The following FAHD2B variants were observed in gnomAD, a reference collection of about 807,000 sequenced individuals.
FAHD2B encodes the protein fumarylacetoacetate hydrolase domain containing 2B, also known as oxaloacetate tautomerase FAHD2B, mitochondrial.
Under a neutral mutation model 33.7 loss-of-function variants are expected in FAHD2B, and 26 were observed. That is an observed-to-expected ratio of 0.77 (90% CI 0.57 to 1.07). FAHD2B has a LOEUF of 1.07. Ranked by LOEUF, FAHD2B falls within the 50% of genes least tolerant of loss-of-function variation. FAHD2B has a pLI of 0.00. For missense variants in FAHD2B, 272 were observed against 388.1 expected (o/e 0.70, Z 2.51); for synonymous variants, 108 against 150.9 (o/e 0.72, Z 2.08).
At chr2:97,090,372 G>A in intron 3 of FAHD2B, 47 bp from the exon 4 acceptor site, 1 of 1,472,408 alleles carries the variant, frequency 6.8e-7, no homozygotes, top group South Asian at 1.4e-5. Context: ...GAACAGGTGG[G>A]CAATCCCGGG....
intron 1 of FAHD2B, among the ~76,000 whole-genome samples, chr2:97,094,425 G>GCT (rs1191360118): frequency 9.4e-5 from 12 of 128,284 alleles, no homozygotes; most frequent in African/African-American, 3.6e-4. Context: ...ATCCAACTCT[G>GCT]CAAGAGTCCA....
chr2:97,090,272 G>C lies in FAHD2B; in HGVS notation c.299C>G (p.Ala100Gly), dbSNP rs2032257030. The C allele has an allele frequency of 7.4e-6, 12 of 1,613,372 alleles. No individual in the cohort carries two copies. The East Asian group carries it at 2.7e-4, about 36-fold the overall frequency. ...VLPWSEVTFL[A>G]PVTWPDKVVC... The stretch of plus-strand genomic sequence containing the variant: ...CACCTTATCTGGCCATGTGACTGGA[G>C]CCAGGAAGGTTACCTCCGACCATGG... Residue 100 changes from alanine to glycine, a missense_variant, in exon 4 of 9, where the codon GCT (alanine) becomes GGT (glycine). Transcript: ENST00000414820.
chr2:97,082,011 AG>A, downstream of FAHD2B: 1 of 1,551,236 alleles, frequency 6.4e-7, no homozygotes. Context: ...CCTGTGACAC[AG>A]GGCAACGGCG....
At chr2:97,082,179 C>A, downstream of FAHD2B, 1 of 1,529,216 alleles carries the variant, frequency 6.5e-7, no homozygotes, top group Non-Finnish European at 8.8e-7. Context: ...GCACTCACCC[C>A]GGCCTGTCCC....
intron 3 of FAHD2B, 139 bp downstream of exon 3, chr2:97,091,323 A>G: frequency 3.8e-6 from 4 of 1,065,988 alleles, no homozygotes; most frequent in Non-Finnish European, 5.3e-6. Context: ...AGGATCTTTT[A>G]AGAGAACGGG....
downstream of FAHD2B, among the ~76,000 whole-genome samples, chr2:97,081,778 T>G (rs2031653272): frequency 6.7e-6 from 1 of 148,616 alleles, no homozygotes; most frequent in Non-Finnish European, 1.5e-5. Flanking sequence ...GCACACCTCC[T>G]GCTCCCCACA....
At position 97,084,250 on chromosome 2, in the gene FAHD2B, C is replaced by G; in HGVS notation, c.713G>C (p.Arg238Pro). Residue 238 changes from arginine to proline, a missense_variant, in exon 7 of 9, where the codon CGA (arginine) becomes CCA (proline). Transcript: ENST00000414820. ...ADPHNLKICC[R>P]VNGEVVQSSN... is the part of the protein sequence containing the mutation. Reference sequence around the variant, plus strand: ...GCTCTGGACGACTTCCCCATTCACTCGGCAGCAGATCTTTAAGTTGTGTGG... The same window carrying G: ...GCTCTGGACGACTTCCCCATTCACTGGGCAGCAGATCTTTAAGTTGTGTGG... 1 of 1,613,724 alleles carries G rather than the reference C, an allele frequency of 6.2e-7. No homozygotes were observed. Among genetic ancestry groups the G allele is most frequent in the Non-Finnish European group, 8.5e-7 (1 of 1,179,850 alleles).
intron 2 of FAHD2B, 53 bp from the exon 3 acceptor site, chr2:97,091,765 A>C: frequency 6.4e-7 from 1 of 1,568,346 alleles, no homozygotes; most frequent in Non-Finnish European, 8.7e-7. Flanking sequence ...AGCCATCATC[A>C]GCATCCCTGA....
At position 97,083,836 on chromosome 2, in the gene FAHD2B, T is replaced by A; in HGVS notation, c.883-19A>T. 6.2e-7 allele frequency: 1 copy of A among 1,614,086 alleles called. No individual in the cohort carries two copies. Among genetic ancestry groups the A allele is most frequent in the Non-Finnish European group, 8.5e-7 (1 of 1,180,032 alleles). On this transcript the variant is annotated intron_variant, in intron 8 of 8. Transcript: ENST00000414820. ...CCCCCTTCTGCAACAGAGCAGGCCA[T>A]GACGGTGTCAGCCCTTCCGTCAGAC...
At chr2:97,085,396 A>C (rs543396492) in intron 6 of FAHD2B, among the ~76,000 whole-genome samples, 2 of 150,630 alleles carry the variant, frequency 1.3e-5, no homozygotes, top group Non-Finnish European at 3.0e-5. Flanking sequence ...TGCTCAACTT[A>C]GATTATTTCA....
chr2:97,093,867 A>C (rs1450859734), intron 1 of FAHD2B, among the ~76,000 whole-genome samples: 1 of 152,264 alleles, frequency 6.6e-6, no homozygotes, highest in Middle Eastern at 3.4e-3. Flanking sequence ...GGATTTGCCC[A>C]AGGTTACACA....
downstream of FAHD2B, among the ~76,000 whole-genome samples, chr2:97,080,250 T>C (rs1378735174): frequency 4.6e-5 from 7 of 152,274 alleles, no homozygotes; most frequent in Non-Finnish European, 8.8e-5. Flanking sequence ...CTTTAATTCA[T>C]CTTCAGCTGA....
chr2:97,081,416 C>T (rs2031640049), downstream of FAHD2B: 2 of 1,551,846 alleles, frequency 1.3e-6, no homozygotes, highest in Non-Finnish European at 1.7e-6. Flanking sequence ...CCTGAGGCCA[C>T]ATGGGTGCCT....
chr2:97,083,908 C>T lies in FAHD2B; in HGVS notation c.882+40G>A, dbSNP rs762944762. 1.2e-5 allele frequency: 19 copies of T among 1,613,824 alleles called. No homozygotes were observed. The East Asian group carries it at 2.9e-4, about 25-fold the overall frequency. ...TCAAGTCTGAGCCAAGCCTGCCAGG[C>T]CTTTGGGGCCCTTGCTCTCTTTGCT... On this transcript the variant is annotated intron_variant, in intron 8 of 8. Coordinates refer to ENST00000414820, the MANE Select transcript of FAHD2B (RefSeq NM_001320848.2).
intron 7 of FAHD2B, 55 bp from the exon 8 acceptor site, chr2:97,084,090 C>T: frequency 6.2e-7 from 1 of 1,613,230 alleles, no homozygotes; most frequent in South Asian, 1.1e-5. Context: ...GTGGCCACAG[C>T]CAAAGGTGGA....
intron 4 of FAHD2B, chr2:97,086,925 T>C (rs2032025006): frequency 3.9e-5 from 6 of 152,068 alleles, no homozygotes; most frequent in Admixed American, 3.9e-4. Flanking sequence ...TGGAACAAAC[T>C]TGAAGGTCCC....
downstream of FAHD2B, chr2:97,082,278 C>A (rs1393537696): frequency 6.4e-7 from 1 of 1,574,714 alleles, no homozygotes; most frequent in Non-Finnish European, 8.6e-7. Context: ...TTTGCACAGG[C>A]TGCCGCCTTC....
At chr2:97,094,087 G>T (rs1028698103) in intron 1 of FAHD2B, among the ~76,000 whole-genome samples, 1 of 152,094 alleles carries the variant, frequency 6.6e-6, no homozygotes, top group East Asian at 1.9e-4. Context: ...GTAGTGAGAA[G>T]TAGGGACCTC....
At chr2:97,089,592 T>C (rs1390350235) in intron 4 of FAHD2B, among the ~76,000 whole-genome samples, 3 of 151,358 alleles carry the variant, frequency 2.0e-5, no homozygotes, top group Admixed American at 2.0e-4. Flanking sequence ...AGGATGTTCA[T>C]TGCGACATTT....
Sources: gnomAD v4.1 joint callset for allele counts (sites outside exome capture counted in the v4.1 genomes callset) on GRCh38, gnomAD v4.1.1 for gene constraint, MANE v1.5 for transcripts, NCBI Gene and HGNC (gene_info 2026-07-23, HGNC 2026-07-21) for gene names.